Variants in ZNF385D observed in about 807,000 individuals in gnomAD.
The protein encoded by ZNF385D is zinc finger protein 659.
A neutral mutation model predicts 35.8 loss-of-function variants in ZNF385D; 15 were observed. The observed-to-expected ratio is 0.42, with a 90% CI of 0.28 to 0.64. ZNF385D has a LOEUF of 0.64. Ranked by LOEUF, ZNF385D falls within the 30% of genes least tolerant of loss-of-function variation. ZNF385D has a pLI of 0.23. For missense variants in ZNF385D, 474 were observed against 494.6 expected, an observed-to-expected ratio of 0.96 and a Z score of 0.39; for synonymous variants, 212 against 186.8, an observed-to-expected ratio of 1.13 and a Z score of -1.10.
intron 3 of ZNF385D, among the ~76,000 whole-genome samples, chr3:22,012,600 G>C (rs1456908149): frequency 7.3e-5 from 10 of 137,172 alleles, no homozygotes; most frequent in Admixed American, 7.0e-4. Context: ...CATTCAAAAT[G>C]ATTAACTAAT....
chr3:21,581,347 CTCTAGAG>C (rs1480258919), intron 2 of ZNF385D, among the ~76,000 whole-genome samples: 3 of 152,162 alleles, frequency 2.0e-5, no homozygotes, highest in South Asian at 2.1e-4. Flanking sequence ...TTCCTCTAGT[CTCTAGAG>C]TCGGCAAAGC....
At chr3:21,618,596 C>T (rs940735744) in intron 2 of ZNF385D, among the ~76,000 whole-genome samples, 5 of 152,062 alleles carry the variant, frequency 3.3e-5, no homozygotes, top group African/African-American at 7.2e-5. Context: ...CCAGTCATTA[C>T]ACAGTAAATG....
At chr3:21,922,935 AC>A (rs1251681185) in intron 3 of ZNF385D, among the ~76,000 whole-genome samples, 3 of 152,202 alleles carry the variant, frequency 2.0e-5, no homozygotes, top group Non-Finnish European at 4.4e-5. Flanking sequence ...AGCTGAACAA[AC>A]AAAAAACAAA....
At chr3:21,567,313 T>G (rs2063183423) in intron 2 of ZNF385D, among the ~76,000 whole-genome samples, 1 of 152,152 alleles carries the variant, frequency 6.6e-6, no homozygotes. Flanking sequence ...CCACAGGACA[T>G]AGTACAGGAT....
chr3:22,190,446 C>G (rs1487095682), intron 2 of ZNF385D, among the ~76,000 whole-genome samples: 5 of 152,040 alleles, frequency 3.3e-5, no homozygotes. Flanking sequence ...TGGTAAGTTC[C>G]TTTTGAAGTG....
Position 21,730,794 on chromosome 3 carries a change from G to A in ZNF385D, c.22+20101C>T, listed in dbSNP as rs1477219925. Among the ~76,000 whole-genome samples, 5 of 151,984 alleles carry A rather than the reference G, an allele frequency of 3.3e-5. No homozygotes were observed. In the East Asian group the frequency reaches 9.6e-4, roughly 29 times the overall value. On this transcript the variant is annotated intron_variant, in intron 1 of 7. Transcript: ENST00000281523. ...CCAGAGGATTCTTTTTATCCTTTTG[G>A]GCCTTACTTTCATTATTTGCTGTTA...
At chr3:22,136,702 G>A (rs1007032941) in intron 3 of ZNF385D, among the ~76,000 whole-genome samples, 4 of 152,078 alleles carry the variant, frequency 2.6e-5, no homozygotes, top group South Asian at 2.1e-4. Context: ...CCTTCAATAG[G>A]AGTATGGATA....
intron 2 of ZNF385D, among the ~76,000 whole-genome samples, chr3:21,631,684 G>A (rs532985042): frequency 7.7e-4 from 117 of 152,098 alleles, no homozygotes; most frequent in Middle Eastern, 3.4e-3. Flanking sequence ...ACATCAAAAG[G>A]GATTTCCAGC....
intron 3 of ZNF385D, among the ~76,000 whole-genome samples, chr3:21,785,308 C>A (rs2125645552): frequency 6.6e-6 from 1 of 152,152 alleles, no homozygotes; most frequent in East Asian, 1.9e-4. Flanking sequence ...CATATACATG[C>A]ACATTGAGAA....
chr3:21,570,642 C>T (rs1423643801), intron 2 of ZNF385D, among the ~76,000 whole-genome samples: 1 of 152,144 alleles, frequency 6.6e-6, no homozygotes, highest in East Asian at 1.9e-4. Flanking sequence ...CAGGCACTTT[C>T]TGTGTGTTTG....
intron 3 of ZNF385D, among the ~76,000 whole-genome samples, chr3:22,164,064 G>T (rs925129852): frequency 6.6e-6 from 1 of 152,048 alleles, no homozygotes; most frequent in African/African-American, 2.4e-5. Context: ...TTTTAATAGT[G>T]GGGATATGGG....
At position 22,240,807 on chromosome 3, in the gene ZNF385D, G is replaced by A. The variant is rs945564960; in HGVS notation, c.107-71772C>T. ...AGAATAAGGCTTCAATAAACAGCTA[G>A]CACATGTGTAATATCTCCCCCTAAG... On this transcript the variant is annotated intron_variant, in intron 2 of 5. Transcript: ENST00000494108. Among the ~76,000 whole-genome samples the A allele has an allele frequency of 4.0e-5, 6 of 150,970 alleles. 1 individual carries two copies. Among genetic ancestry groups the A allele is most frequent in the African/African-American group, 1.5e-4 (6 of 40,798 alleles).
chr3:21,510,897 T>C lies in ZNF385D; in HGVS notation c.403A>G (p.Thr135Ala), dbSNP rs1429285294. 9 of 1,613,964 alleles carry C rather than the reference T, an allele frequency of 5.6e-6. No individual in the cohort carries two copies. The highest frequency in any genetic ancestry group is 1.3e-5 in the African/African-American group (1 of 74,912). The change falls in exon 4 of 8, where the codon ACT becomes GCT. Residue 135 changes from threonine to alanine, a missense_variant. Thr to Ala is a moderately conservative substitution (Grantham distance 58). Transcript: ENST00000281523. ...DSAKTTFTSI[T>A]TNTINTSSDK... is the part of the protein sequence containing the mutation. ...GAGCTGGTATTGATGGTATTGGTAG[T>C]GATGGAGGTGAAGGTAGTCTTTGCG...
intron 2 of ZNF385D, among the ~76,000 whole-genome samples, chr3:21,658,225 T>C (rs1246089248): frequency 6.6e-6 from 1 of 152,046 alleles, no homozygotes; most frequent in Non-Finnish European, 1.5e-5. Context: ...ATGAATACTA[T>C]AAAGAATTGA....
intron 3 of ZNF385D, among the ~76,000 whole-genome samples, chr3:21,870,226 AC>A: frequency 6.6e-6 from 1 of 152,194 alleles, no homozygotes; most frequent in Non-Finnish European, 1.5e-5. Flanking sequence ...GCATGGCTTG[AC>A]TGTTTTAACC....
chr3:21,770,771 T>C (rs1000013813), intron 3 of ZNF385D, among the ~76,000 whole-genome samples: 2 of 152,172 alleles, frequency 1.3e-5, no homozygotes, highest in Non-Finnish European at 2.9e-5. Context: ...ATCATGCTGC[T>C]ATAAAGACAC....
At chr3:21,867,626 C>A (rs1697442052) in intron 3 of ZNF385D, among the ~76,000 whole-genome samples, 1 of 151,936 alleles carries the variant, frequency 6.6e-6, no homozygotes, top group Admixed American at 6.6e-5. Flanking sequence ...ATAAATGTTG[C>A]CCTGGGAATA....
At chr3:22,001,333 A>T (rs2125415027) in intron 3 of ZNF385D, among the ~76,000 whole-genome samples, 1 of 82,610 alleles carries the variant, frequency 1.2e-5, no homozygotes, top group African/African-American at 7.4e-5. Flanking sequence ...AACAAGCAGG[A>T]GATACTAGTA....
chr3:21,581,893 ATCC>A (rs1265405756), intron 2 of ZNF385D, among the ~76,000 whole-genome samples: 5 of 152,292 alleles, frequency 3.3e-5, no homozygotes, highest in African/African-American at 1.2e-4. Context: ...GATGTTTAAA[ATCC>A]TCCTTAGGGA....
Sources: gnomAD v4.1 joint callset for allele counts (sites outside exome capture counted in the v4.1 genomes callset) on GRCh38, gnomAD v4.1.1 for gene constraint, MANE v1.5 for transcripts, NCBI Gene and HGNC (gene_info 2026-07-23, HGNC 2026-07-21) for gene names.